Variants in LMLN observed in about 807,000 individuals in gnomAD.
LMLN encodes leishmanolysin like peptidase.
In LMLN, 70 loss-of-function variants were observed where a neutral mutation model predicts 92.3. The observed-to-expected ratio is 0.76, with a 90% confidence interval of 0.63 to 0.92. The LOEUF is 0.92. Among genes scored for constraint, LMLN ranks in the 40% least tolerant of loss-of-function variants. The pLI, the probability that LMLN is intolerant of heterozygous loss-of-function variation, is 0.00. For missense variants in LMLN, 691 were observed against 814.6 expected (o/e 0.85, Z 1.85); for synonymous variants, 308 against 296.2 (o/e 1.04, Z -0.41).
At chr3:197,985,339 G>A (rs1238197137) in intron 7 of LMLN, among the ~76,000 whole-genome samples, 2 of 148,580 alleles carry the variant, frequency 1.3e-5, no homozygotes, top group East Asian at 4.1e-4. Context: ...TATATAAGAA[G>A]GCCAAAATAA....
intron 11 of LMLN, 102 bp downstream of exon 12, chr3:198,003,227 C>A: frequency 1.5e-6 from 1 of 653,304 alleles, no homozygotes. Flanking sequence ...GTAGTCTGAG[C>A]AGTTCAATTT....
At chr3:198,003,683 A>G (rs933068632) in intron 11 of LMLN, among the ~76,000 whole-genome samples, 4 of 114,170 alleles carry the variant, frequency 3.5e-5, no homozygotes, top group Admixed American at 7.8e-5. Flanking sequence ...TTTGACATCT[A>G]TCTATATATC....
intron 12 of LMLN, among the ~76,000 whole-genome samples, chr3:198,020,608 T>C (rs1722749957): frequency 6.6e-6 from 1 of 151,868 alleles, no homozygotes; most frequent in Non-Finnish European, 1.5e-5. Context: ...ATTTATTTAT[T>C]TTTGGAGATG....
intron 11 of LMLN, among the ~76,000 whole-genome samples, chr3:198,005,371 A>AC (rs1233310110): frequency 1.3e-5 from 2 of 151,890 alleles, no homozygotes; most frequent in Non-Finnish European, 2.9e-5. Flanking sequence ...TGCTTCCAGG[A>AC]CCCCCCTGGA....
intron 11 of LMLN, among the ~76,000 whole-genome samples, chr3:198,003,646 A>C (rs963296270): frequency 8.3e-6 from 1 of 121,068 alleles, no homozygotes; most frequent in East Asian, 2.2e-4. Context: ...TATATCATCT[A>C]TACAGATACA....
chr3:197,964,303 A>G (rs1276690276), intron 1 of LMLN, among the ~76,000 whole-genome samples: 1 of 152,054 alleles, frequency 6.6e-6, no homozygotes, highest in Non-Finnish European at 1.5e-5. Context: ...ACATTCAAAG[A>G]TATAAATTTC....
chr3:197,970,066 T>C (rs1174784031), intron 1 of LMLN, among the ~76,000 whole-genome samples: 1 of 151,970 alleles, frequency 6.6e-6, no homozygotes, highest in East Asian at 1.9e-4. Flanking sequence ...GCAGGAGAAT[T>C]GCTTGAACCC....
chr3:198,022,147 T>G (rs1352425213), intron 13 of LMLN, among the ~76,000 whole-genome samples: 1 of 152,230 alleles, frequency 6.6e-6, no homozygotes, highest in African/African-American at 2.4e-5. Flanking sequence ...GTGCATTTTA[T>G]GTAAGATAGA....
chr3:198,006,071 C>T (rs866797277), intron 11 of LMLN, among the ~76,000 whole-genome samples: 6 of 152,078 alleles, frequency 3.9e-5, no homozygotes, highest in Admixed American at 6.5e-5. Context: ...GAGCCAAGAT[C>T]GCACCACTGT....
At chr3:198,013,442 T>C (rs1722512521) in intron 11 of LMLN, among the ~76,000 whole-genome samples, 3 of 128,820 alleles carry the variant, frequency 2.3e-5, no homozygotes, top group Admixed American at 7.4e-5. Context: ...CAGAGCCCCC[T>C]AACTAGTCTG....
intron 5 of LMLN, among the ~76,000 whole-genome samples, chr3:197,977,559 C>T (rs986024165): frequency 6.7e-6 from 1 of 149,888 alleles, no homozygotes; most frequent in Non-Finnish European, 1.5e-5. Flanking sequence ...AATCATCAAA[C>T]CATCTGGAAG....
chr3:198,006,088 G>C lies in LMLN; in HGVS notation c.1232+6746G>C, dbSNP rs1355572791. Reference sequence around the variant, plus strand: ...GCCAAGATCGCACCACTGTATTCCAGCCTGGGTGACAGAGTGAGGCTCTGT... The same window carrying C: ...GCCAAGATCGCACCACTGTATTCCACCCTGGGTGACAGAGTGAGGCTCTGT... On this transcript the variant is annotated intron_variant, in intron 11 of 15. Transcript: ENST00000330198. Among the ~76,000 whole-genome samples, 4 of 152,186 alleles carry C rather than the reference G, an allele frequency of 2.6e-5. No homozygotes were observed. In the East Asian group the frequency reaches 7.7e-4, roughly 29 times the overall value.
chr3:197,975,112 A>G, intron 3 of LMLN, 40 bp downstream of exon 3: 2 of 1,119,296 alleles, frequency 1.8e-6, no homozygotes, highest in Non-Finnish European at 2.6e-6. Context: ...GGACACTTAA[A>G]ATTTTATTGC....
exon 8 of LMLN, chr3:197,985,813 G>A (rs1721690394): frequency 1.9e-6 from 3 of 1,613,054 alleles, no homozygotes; most frequent in East Asian, 2.2e-5. Flanking sequence ...CTGCTGGGCT[G>A]TTTGCATTCT....
chr3:197,974,829 G>T (rs892798546), intron 2 of LMLN, among the ~76,000 whole-genome samples: 1 of 152,236 alleles, frequency 6.6e-6, no homozygotes, highest in Non-Finnish European at 1.5e-5. Context: ...CCAGGAGAGG[G>T]TTCTTGGATC....
chr3:198,035,710 C>CTTTA, intron 14 of LMLN, 123 bp from the exon 16 acceptor site: 1 of 807,332 alleles, frequency 1.2e-6, no homozygotes, highest in Non-Finnish European at 1.9e-6. Flanking sequence ...GCAAATTGTG[C>CTTTA]TTTATAGCCA....
At chr3:197,994,097 A>C (rs1721955145) in intron 9 of LMLN, among the ~76,000 whole-genome samples, 1 of 152,190 alleles carries the variant, frequency 6.6e-6, no homozygotes, top group Non-Finnish European at 1.5e-5. Context: ...CCCTTATCTC[A>C]CACCATATAT....
At chr3:197,968,643 C>T (rs1243179701) in intron 1 of LMLN, among the ~76,000 whole-genome samples, 1 of 152,162 alleles carries the variant, frequency 6.6e-6, no homozygotes, top group African/African-American at 2.4e-5. Flanking sequence ...CTCTGCCGCG[C>T]CTCCAGCCGG....
intron 13 of LMLN, among the ~76,000 whole-genome samples, chr3:198,023,211 A>G (rs1722829957): frequency 6.6e-6 from 1 of 151,706 alleles, no homozygotes; most frequent in Non-Finnish European, 1.5e-5. Context: ...ATTTTTAGAG[A>G]CAAGGTCTCA....
Sources: allele counts gnomAD v4.1 joint callset (sites outside exome capture counted in the v4.1 genomes callset), GRCh38; gene constraint gnomAD v4.1.1; transcripts MANE v1.5; gene names NCBI Gene and HGNC (gene_info 2026-07-23, HGNC 2026-07-21).